The following KCNH1 variants were observed in gnomAD, a reference collection of about 807,000 sequenced individuals.
The protein encoded by KCNH1 is voltage-gated delayed rectifier potassium channel KCNH1.
KCNH1 carries 27 observed loss-of-function variants against 69.2 expected under a neutral mutation model. That is an observed-to-expected ratio of 0.39 (90% CI 0.29 to 0.54). KCNH1 has a LOEUF of 0.54. KCNH1 is among the 20% of genes least tolerant of loss of function. KCNH1 has a pLI of 0.68. For missense variants in KCNH1, 798 were observed against 1,261.6 expected, an observed-to-expected ratio of 0.63 and a Z score of 5.57; for synonymous variants, 456 against 487.7, an observed-to-expected ratio of 0.93 and a Z score of 0.86.
intron 10 of KCNH1, among the ~76,000 whole-genome samples, chr1:210,714,577 C>T (rs573463423): frequency 1.9e-4 from 29 of 152,254 alleles, no homozygotes; most frequent in African/African-American, 6.7e-4. Context: ...ACATGTGCAG[C>T]ATAATCATAA....
chr1:210,975,194 T>G (rs1216416849), intron 6 of KCNH1, among the ~76,000 whole-genome samples: 1 of 152,222 alleles, frequency 6.6e-6, no homozygotes, highest in African/African-American at 2.4e-5. Context: ...GTCTTTATTT[T>G]GCTGTCATTT....
intron 7 of KCNH1, among the ~76,000 whole-genome samples, chr1:210,887,508 A>G (rs904599238): frequency 6.6e-6 from 1 of 152,176 alleles, no homozygotes; most frequent in Non-Finnish European, 1.5e-5. Context: ...ATAACCAGCT[A>G]GCATTATAAT....
At chr1:210,782,211 T>C (rs1574252645) in intron 9 of KCNH1, among the ~76,000 whole-genome samples, 1 of 152,144 alleles carries the variant, frequency 6.6e-6, no homozygotes. Context: ...GTTGAATGTA[T>C]ATATAAATGA....
intron 10 of KCNH1, among the ~76,000 whole-genome samples, chr1:210,687,718 G>A (rs959476545): frequency 3.9e-5 from 6 of 152,198 alleles, no homozygotes; most frequent in Non-Finnish European, 5.9e-5. Flanking sequence ...AGTTAGTCAC[G>A]GAGTCTGTCT....
At chr1:211,008,628 C>A (rs774182531) in intron 6 of KCNH1, among the ~76,000 whole-genome samples, 1 of 152,084 alleles carries the variant, frequency 6.6e-6, no homozygotes, top group African/African-American at 2.4e-5. Flanking sequence ...TAATCTATGG[C>A]GATAGAAGTC....
intron 7 of KCNH1, among the ~76,000 whole-genome samples, chr1:210,899,116 C>T (rs1686937344): frequency 6.6e-6 from 1 of 152,146 alleles, no homozygotes; most frequent in Admixed American, 6.5e-5. Flanking sequence ...TCTAGAGATT[C>T]CCTGAGACCC....
intron 9 of KCNH1, 109 bp downstream of exon 9, chr1:210,797,399 G>T: frequency 8.2e-7 from 1 of 1,214,998 alleles, no homozygotes; most frequent in African/African-American, 1.5e-5. Flanking sequence ...TTAGCAATTG[G>T]CCCTGCCCTA....
intron 6 of KCNH1, among the ~76,000 whole-genome samples, chr1:211,004,955 A>G (rs1399317426): frequency 2.6e-5 from 4 of 152,172 alleles, no homozygotes; most frequent in Non-Finnish European, 5.9e-5. Context: ...TTCTAAAATA[A>G]AAGTTGTTTC....
intron 9 of KCNH1, among the ~76,000 whole-genome samples, chr1:210,790,136 AT>A (rs1162210123): frequency 6.6e-6 from 1 of 152,214 alleles, no homozygotes; most frequent in Non-Finnish European, 1.5e-5. Flanking sequence ...TTAGAAAACT[AT>A]TCCTATGTTC....
intron 6 of KCNH1, among the ~76,000 whole-genome samples, chr1:211,014,186 T>A (rs1175592577): frequency 6.6e-6 from 1 of 152,194 alleles, no homozygotes; most frequent in East Asian, 1.9e-4. Flanking sequence ...TCAATAGCAG[T>A]AAGCAATAAG....
intron 7 of KCNH1, among the ~76,000 whole-genome samples, chr1:210,851,510 T>C (rs1033776356): frequency 1.3e-5 from 2 of 152,230 alleles, no homozygotes; most frequent in African/African-American, 4.8e-5. Context: ...CTCTGACCTT[T>C]AGTTTCATCA....
chr1:210,704,443 T>C (rs1681856575), intron 10 of KCNH1, among the ~76,000 whole-genome samples: 1 of 152,210 alleles, frequency 6.6e-6, no homozygotes, highest in Admixed American at 6.5e-5. Flanking sequence ...GGAAGGGACC[T>C]GGTCTAGTGC....
intron 7 of KCNH1, among the ~76,000 whole-genome samples, chr1:210,885,202 G>A (rs1252205501): frequency 4.6e-5 from 7 of 152,226 alleles, no homozygotes. Flanking sequence ...CTTTCCAACT[G>A]AGGTACCCGG....
At chr1:211,033,562 C>T (rs1689833836) in intron 5 of KCNH1, among the ~76,000 whole-genome samples, 2 of 152,174 alleles carry the variant, frequency 1.3e-5, no homozygotes, top group Admixed American at 1.3e-4. Flanking sequence ...GGCACATATA[C>T]ACCACGGAAT....
intron 10 of KCNH1, among the ~76,000 whole-genome samples, chr1:210,687,361 G>A (rs115052675): frequency 2.5e-4 from 38 of 152,332 alleles, no homozygotes; most frequent in African/African-American, 8.4e-4. Context: ...CTGAGTGGTC[G>A]ACGTGGGCAG....
At chr1:211,123,050 C>T (rs571779462) in intron 1 of KCNH1, among the ~76,000 whole-genome samples, 53 of 152,252 alleles carry the variant, frequency 3.5e-4, no homozygotes, top group Non-Finnish European at 5.7e-4. Context: ...TTGTTTAATA[C>T]AACAAATATT....
At chr1:210,995,390 T>A (rs1689010639) in intron 6 of KCNH1, among the ~76,000 whole-genome samples, 1 of 152,186 alleles carries the variant, frequency 6.6e-6, no homozygotes, top group African/African-American at 2.4e-5. Flanking sequence ...ACACAGCAAT[T>A]GTCTGCCAAT....
intron 10 of KCNH1, among the ~76,000 whole-genome samples, chr1:210,685,618 T>A (rs77579515): frequency 0.017 from 2,582 of 152,274 alleles, 34 homozygotes; most frequent in Middle Eastern, 0.031. Context: ...AATCTCTACT[T>A]TTCAGACTTG....
intron 10 of KCNH1, among the ~76,000 whole-genome samples, chr1:210,702,639 G>A (rs1209483465): frequency 1.3e-5 from 2 of 152,134 alleles, no homozygotes; most frequent in Non-Finnish European, 2.9e-5. Flanking sequence ...GGTTGCATGA[G>A]GTAGAGCTGT....
Sources: allele counts gnomAD v4.1 joint callset (sites outside exome capture counted in the v4.1 genomes callset), GRCh38; gene constraint gnomAD v4.1.1; transcripts MANE v1.5; gene names NCBI Gene and HGNC (gene_info 2026-07-23, HGNC 2026-07-21).